Variants in EPHA7 observed in about 807,000 individuals in gnomAD.
EPHA7 encodes the protein ephrin type-A receptor 7.
Under a neutral mutation model 112.6 loss-of-function variants are expected in EPHA7, and 25 were observed. The ratio of observed to expected loss-of-function variants is 0.22; its 90% CI spans 0.16 to 0.31. The LOEUF (loss-of-function observed/expected upper bound fraction) is 0.31, where lower values mean the gene tolerates loss of function less well. Among genes scored for constraint, EPHA7 ranks in the 10% least tolerant of loss-of-function variants. EPHA7 has a pLI of 1.00. For synonymous variants in EPHA7, 437 were observed against 406.5 expected, an observed-to-expected ratio of 1.07 and a Z score of -0.90; for missense variants, 962 against 1,212.6, an observed-to-expected ratio of 0.79 and a Z score of 3.07.
chr6:93,366,640 A>G (rs1461444469), intron 3 of EPHA7, among the ~76,000 whole-genome samples: 2 of 152,112 alleles, frequency 1.3e-5, no homozygotes, highest in Non-Finnish European at 2.9e-5. Flanking sequence ...GCTGTCCTGC[A>G]TCCACACGGC....
At chr6:93,314,294 T>C (rs1773684866) in intron 5 of EPHA7, among the ~76,000 whole-genome samples, 1 of 152,198 alleles carries the variant, frequency 6.6e-6, no homozygotes, top group Non-Finnish European at 1.5e-5. Flanking sequence ...GCTCTTATTA[T>C]ATTGTCTAAC....
intron 5 of EPHA7, among the ~76,000 whole-genome samples, chr6:93,316,038 T>C (rs866715642): frequency 8.5e-5 from 13 of 152,164 alleles, no homozygotes; most frequent in Middle Eastern, 3.4e-3. Context: ...TTTTTGAAAG[T>C]GATAAGAGGG....
At position 93,356,817 on chromosome 6, in the gene EPHA7, G is replaced by A. The variant is rs145928664; in HGVS notation, c.1224C>T (p.His408=). The change falls in exon 5 of 17, where the codon CAC becomes CAT. Residue 408 remains histidine (H), a synonymous_variant. Transcript: ENST00000369303. ...NYVTVMDLLA[H]ANYTFEVEAV... ...CTTCAACTTCAAAAGTATAATTAGC[G>A]TGGGCTAGCAGGTCCATGACAGTGA... 1.1e-5 allele frequency: 18 copies of A among 1,614,134 alleles called. No individual in the cohort carries two copies. The highest frequency in any genetic ancestry group is 4.0e-5 in the African/African-American group (3 of 75,062).
intron 3 of EPHA7, among the ~76,000 whole-genome samples, chr6:93,408,966 G>C (rs1024418968): frequency 3.3e-5 from 4 of 119,966 alleles, no homozygotes; most frequent in African/African-American, 1.3e-4. Context: ...AAGGACATAT[G>C]TTACTTTTTT....
chr6:93,409,985 ATTAAAG>A (rs973295994), intron 3 of EPHA7: 5 of 150,954 alleles, frequency 3.3e-5, no homozygotes, highest in Middle Eastern at 3.3e-3. Context: ...AAAATTTTGT[ATTAAAG>A]TTATAGTATT....
At chr6:93,285,425 G>A (rs1266655795) in intron 5 of EPHA7, among the ~76,000 whole-genome samples, 1 of 152,000 alleles carries the variant, frequency 6.6e-6, no homozygotes, top group African/African-American at 2.4e-5. Flanking sequence ...GTAATTTGGA[G>A]TTAACACAGA....
At chr6:93,338,843 G>C (rs1156551546) in intron 5 of EPHA7, among the ~76,000 whole-genome samples, 1 of 150,918 alleles carries the variant, frequency 6.6e-6, no homozygotes, top group African/African-American at 2.4e-5. Context: ...TAGTCTGATA[G>C]AGAAGAAAAT....
chr6:93,414,040 T>C (rs1208174502), intron 2 of EPHA7, among the ~76,000 whole-genome samples: 18 of 151,900 alleles, frequency 1.2e-4, no homozygotes, highest in Admixed American at 9.2e-4. Context: ...TGAAAAATAA[T>C]GGTTAGTATT....
chr6:93,365,258 G>C (rs1776449553), intron 3 of EPHA7, among the ~76,000 whole-genome samples: 2 of 152,180 alleles, frequency 1.3e-5, no homozygotes, highest in East Asian at 1.9e-4. Context: ...ATTATGAACT[G>C]TAAGTAGATT....
intron 5 of EPHA7, among the ~76,000 whole-genome samples, chr6:93,348,094 A>G (rs1377142888): frequency 6.6e-6 from 1 of 151,874 alleles, no homozygotes; most frequent in South Asian, 2.1e-4. Flanking sequence ...ACATAAGCCT[A>G]TTTCATTACA....
At chr6:93,333,740 C>T (rs978781966) in intron 5 of EPHA7, among the ~76,000 whole-genome samples, 1 of 151,642 alleles carries the variant, frequency 6.6e-6, no homozygotes, top group Non-Finnish European at 1.5e-5. Flanking sequence ...GCAAACTAGA[C>T]AGGTGAAAGA....
chr6:93,282,342 A>G (rs1771785273), intron 5 of EPHA7, among the ~76,000 whole-genome samples: 1 of 152,260 alleles, frequency 6.6e-6, no homozygotes, highest in African/African-American at 2.4e-5. Flanking sequence ...TACACTGTTT[A>G]TAATTTCCCA....
chr6:93,303,283 T>C (rs1773084350), intron 5 of EPHA7, among the ~76,000 whole-genome samples: 1 of 152,132 alleles, frequency 6.6e-6, no homozygotes, highest in Non-Finnish European at 1.5e-5. Flanking sequence ...GTTAAGCACT[T>C]CTCACTACAT....
Position 93,299,328 on chromosome 6 carries a change from A to AAAAAT in EPHA7, c.1325-26911_1325-26907dup, listed in dbSNP as rs559885595. Among the ~76,000 whole-genome samples, 513 of 151,686 alleles carry AAAAAT rather than the reference A, an allele frequency of 3.4e-3. 4 individuals are homozygous for AAAAAT. The highest frequency in any genetic ancestry group is 0.01 in the Admixed American group (157 of 15,236). ...GCGACAGAGCGAGACTCCGTCTCAAAAAAATAAAATAAAATAAAATAAAAT... is the reference window on the plus strand; with the variant it reads ...GCGACAGAGCGAGACTCCGTCTCAAAAAAATAAAATAAAATAAAATAAAATAAAAT... On this transcript the variant is annotated intron_variant, in intron 5 of 16. Transcript: ENST00000369303.
chr6:93,326,956 T>TA (rs1014838541), intron 5 of EPHA7, among the ~76,000 whole-genome samples: 19 of 151,604 alleles, frequency 1.3e-4, no homozygotes, highest in Admixed American at 9.9e-4. Flanking sequence ...GTATCCATCT[T>TA]ACATGATTGT....
chr6:93,356,735 T>A lies in EPHA7; in HGVS notation c.1306A>T (p.Ile436Phe). 1 of 1,612,304 alleles carries A rather than the reference T, an allele frequency of 6.2e-7. No individual in the cohort carries two copies. Among genetic ancestry groups the A allele is most frequent in the Non-Finnish European group, 8.5e-7 (1 of 1,178,990 alleles). The change falls in exon 5 of 17, where the codon ATC becomes TTC. Residue 436 changes from isoleucine (I) to phenylalanine (F), a missense_variant. Ile to Phe is a conservative substitution (Grantham distance 21). Transcript: ENST00000369303. ...AACATACCTGCTTGACCAGTGGTGA[T>A]ACTGACAGCAGCAAAGAGCCTCTGG... ...RSQRLFAAVS[I>F]TTGQAAPSQV...
chr6:93,254,544 T>A, intron 14 of EPHA7, 103 bp downstream of exon 14: 11 of 824,972 alleles, frequency 1.3e-5, no homozygotes, highest in Non-Finnish European at 1.9e-5. Flanking sequence ...TGTATTTTTA[T>A]AATTATTTAA....
chr6:93,325,002 T>C (rs1302067473), intron 5 of EPHA7, among the ~76,000 whole-genome samples: 1 of 151,332 alleles, frequency 6.6e-6, no homozygotes, highest in Non-Finnish European at 1.5e-5. Context: ...TTTTTTCCAG[T>C]GAACCTACCT....
At chr6:93,293,361 G>C (rs1772484304) in intron 5 of EPHA7, among the ~76,000 whole-genome samples, 1 of 151,850 alleles carries the variant, frequency 6.6e-6, no homozygotes, top group Non-Finnish European at 1.5e-5. Flanking sequence ...ATTTTCCTTT[G>C]GTTTTAAAGT....
Sources: allele counts gnomAD v4.1 joint callset (sites outside exome capture counted in the v4.1 genomes callset), GRCh38; gene constraint gnomAD v4.1.1; transcripts MANE v1.5; gene names NCBI Gene and HGNC (gene_info 2026-07-23, HGNC 2026-07-21).